PLXDC1: variants seen among roughly 807,000 people sequenced by gnomAD.
PLXDC1 encodes the protein plexin domain-containing protein 1.
In PLXDC1, 39 loss-of-function variants were observed where a neutral mutation model predicts 61.3. That is an observed-to-expected ratio of 0.64 (90% CI 0.49 to 0.83). The LOEUF (loss-of-function observed/expected upper bound fraction) is 0.83, where lower values mean the gene tolerates loss of function less well. PLXDC1 is among the 40% of genes least tolerant of loss of function. The pLI is 0.00. For synonymous variants in PLXDC1, 212 were observed against 254.5 expected, an observed-to-expected ratio of 0.83 and a Z score of 1.59; for missense variants, 596 against 666.5, an observed-to-expected ratio of 0.89 and a Z score of 1.17.
At chr17:39,128,086 T>TATGTATATATATATATATATA (rs1567769441) in intron 2 of PLXDC1, among the ~76,000 whole-genome samples, 2 of 118,316 alleles carry the variant, frequency 1.7e-5, no homozygotes, top group Admixed American at 8.8e-5. Context: ...TCTCTCTCTC[T>TATGTATATATATATATATATA]CTCTCTATGT....
At chr17:39,152,242 G>C (rs1048664837), upstream of PLXDC1, among the ~76,000 whole-genome samples, 3 of 151,286 alleles carry the variant, frequency 2.0e-5, no homozygotes, top group African/African-American at 7.3e-5. Context: ...GGGTGGAGGG[G>C]GCCTGGCTAC....
At chr17:39,094,184 T>C (rs1184146726) in intron 7 of PLXDC1, among the ~76,000 whole-genome samples, 1 of 152,106 alleles carries the variant, frequency 6.6e-6, no homozygotes, top group East Asian at 1.9e-4. Context: ...GCCTGGGCTC[T>C]GAGTAAGCCT....
chr17:39,147,236 G>T (rs530976454), intron 1 of PLXDC1, among the ~76,000 whole-genome samples: 1 of 152,020 alleles, frequency 6.6e-6, no homozygotes, highest in African/African-American at 2.4e-5. Flanking sequence ...GATTACAGGC[G>T]CGGGCCACCG....
At chr17:39,077,883 C>T (rs1471509471) in intron 11 of PLXDC1, 30 bp downstream of exon 11, 1 of 1,613,316 alleles carries the variant, frequency 6.2e-7, no homozygotes, top group Admixed American at 1.7e-5. Context: ...CTGGCCTCCT[C>T]TCTGCTCCCC....
rs779043576 is a variant in PLXDC1, at chr17:39,109,347, G to A, written c.300C>T (p.Ser100=). The A allele has an allele frequency of 2.1e-5, 34 of 1,607,828 alleles. No individual in the cohort carries two copies. Among genetic ancestry groups the A allele is most frequent in the Middle Eastern group, 1.6e-4 (1 of 6,066 alleles). The change falls in exon 3 of 14, where the codon AGC becomes AGT. Residue 100 remains serine, a synonymous_variant. Transcript: ENST00000315392. ...CCCACAGTTCCCGGCTGTGGGGCTC[G>A]CTGGGGCCATAGAGACGGGACACAT... ...SYYVSRLYGP[S]EPHSRELWVD...
At chr17:39,147,327 C>T (rs1245013090) in intron 1 of PLXDC1, among the ~76,000 whole-genome samples, 4 of 152,192 alleles carry the variant, frequency 2.6e-5, no homozygotes, top group African/African-American at 7.2e-5. Flanking sequence ...TAACAATTCC[C>T]ACACGTTGGC....
At chr17:39,134,074 G>A (rs955055694) in intron 2 of PLXDC1, among the ~76,000 whole-genome samples, 19 of 151,854 alleles carry the variant, frequency 1.3e-4, no homozygotes, top group African/African-American at 4.1e-4. Flanking sequence ...TGGCTAACAC[G>A]GTGAAACCCC....
chr17:39,122,378 CAAAA>C (rs71141762), intron 2 of PLXDC1, among the ~76,000 whole-genome samples: 519 of 36,456 alleles, frequency 0.014, 4 homozygotes, highest in African/African-American at 0.053. Context: ...GACTCTGTCT[CAAAA>C]AAAAAAAAAA....
At chr17:39,109,654 C>T (rs1295620285) in intron 2 of PLXDC1, among the ~76,000 whole-genome samples, 1 of 152,212 alleles carries the variant, frequency 6.6e-6, no homozygotes, top group African/African-American at 2.4e-5. Flanking sequence ...TCATGCTCAG[C>T]CCTCCTGTTC....
At chr17:39,081,948 A>C (rs987709391) in intron 9 of PLXDC1, among the ~76,000 whole-genome samples, 1 of 152,224 alleles carries the variant, frequency 6.6e-6, no homozygotes, top group African/African-American at 2.4e-5. Flanking sequence ...TCTCAAAACA[A>C]AACAAAAACT....
intron 2 of PLXDC1, among the ~76,000 whole-genome samples, chr17:39,127,754 G>A (rs2143828247): frequency 6.6e-6 from 1 of 151,854 alleles, no homozygotes; most frequent in South Asian, 2.1e-4. Context: ...AAGAGATTGA[G>A]ACCATCCTGG....
chr17:39,150,222 C>T (rs1204820779), intron 1 of PLXDC1, among the ~76,000 whole-genome samples: 7 of 152,172 alleles, frequency 4.6e-5, no homozygotes, highest in African/African-American at 1.7e-4. Flanking sequence ...TCTGCCCATA[C>T]TTCCCACTGT....
chr17:39,128,107 A>ATATATATATACACATATATATG (rs1291982693), intron 2 of PLXDC1, among the ~76,000 whole-genome samples: 3 of 100,632 alleles, frequency 3.0e-5, no homozygotes, highest in Non-Finnish European at 5.8e-5. Flanking sequence ...GTATATATAT[A>ATATATATATACACATATATATG]TATATATGTA....
intron 7 of PLXDC1, among the ~76,000 whole-genome samples, chr17:39,096,060 G>T (rs1196986011): frequency 1.3e-5 from 2 of 152,252 alleles, no homozygotes; most frequent in African/African-American, 2.4e-5. Context: ...TTGGCCAGAA[G>T]AAGTTAGGAG....
At chr17:39,088,671 T>C (rs768782169) in intron 7 of PLXDC1, among the ~76,000 whole-genome samples, 1 of 152,118 alleles carries the variant, frequency 6.6e-6, no homozygotes, top group Non-Finnish European at 1.5e-5. Context: ...CCAGGCATGG[T>C]GGCTCATGCC....
At chr17:39,097,037 C>A in intron 7 of PLXDC1, 1 of 470,938 alleles carries the variant, frequency 2.1e-6, no homozygotes, top group Admixed American at 2.3e-5. Context: ...CCTCTTCTAC[C>A]CTCTCCCCCA....
At chr17:39,096,728 C>G (rs1910218250) in intron 7 of PLXDC1, 1 of 351,572 alleles carries the variant, frequency 2.8e-6, no homozygotes, top group Non-Finnish European at 5.7e-6. Context: ...ACTAACTGAT[C>G]CCACTAATTC....
intron 2 of PLXDC1, among the ~76,000 whole-genome samples, chr17:39,122,232 G>A (rs372659911): frequency 4.0e-5 from 6 of 151,234 alleles, no homozygotes; most frequent in African/African-American, 1.5e-4. Context: ...TTGAAACCCC[G>A]TCTCTACTAA....
intron 2 of PLXDC1, among the ~76,000 whole-genome samples, chr17:39,128,105 A>ATATACATATATATATGTG (rs1555573184): frequency 1.2e-4 from 10 of 81,788 alleles, no homozygotes; most frequent in Non-Finnish European, 1.7e-4. Flanking sequence ...GTGTATATAT[A>ATATACATATATATATGTG]TATATATATG....
Sources: allele counts gnomAD v4.1 joint callset (sites outside exome capture counted in the v4.1 genomes callset), GRCh38; gene constraint gnomAD v4.1.1; transcripts MANE v1.5; gene names NCBI Gene and HGNC (gene_info 2026-07-23, HGNC 2026-07-21).